Variants in VARS2 observed in about 807,000 individuals in gnomAD.
VARS2 encodes valine--tRNA ligase, mitochondrial.
Under a neutral mutation model 154.1 loss-of-function variants are expected in VARS2, and 105 were observed. That is an observed-to-expected ratio of 0.68 (90% CI 0.58 to 0.80). VARS2 has a LOEUF of 0.80. Ranked by LOEUF, VARS2 falls within the 30% of genes least tolerant of loss-of-function variation. The probability of loss-of-function intolerance (pLI) is 0.00; values close to 1 mark genes in which losing one functional copy is unlikely to be tolerated. For missense variants in VARS2, 1,157 were observed against 1,361.4 expected, an observed-to-expected ratio of 0.85 and a Z score of 2.36; for synonymous variants, 483 against 539.5, an observed-to-expected ratio of 0.90 and a Z score of 1.45.
In VARS2 at chr6:30,915,987, G is replaced by T. The variant is rs1470681240; in HGVS notation, c.513G>T (p.Arg171=). Reference sequence around the variant, plus strand: ...GAGGGCATTTTTGTTGCAGGCACCGGATGCGTGGGGATCAAGTGCTGTGGG... The same window carrying T: ...GAGGGCATTTTTGTTGCAGGCACCGTATGCGTGGGGATCAAGTGCTGTGGG... The part of the protein sequence containing the change: ...AIQDALVRWH[R]MRGDQVLWVP... The change falls in exon 6 of 30, where the codon CGG becomes CGT. Residue 171 remains arginine (R), a synonymous_variant. Transcript: ENST00000676266. The T allele has an allele frequency of 1.9e-6, 3 of 1,614,016 alleles. No individual in the cohort carries two copies. The highest frequency in any genetic ancestry group is 1.1e-5 in the South Asian group (1 of 91,088).
At position 30,916,792 on chromosome 6, in the gene VARS2, A is replaced by G. The variant is rs1794202558; in HGVS notation, c.672-86A>G. ...CATCCTCACTTGATTTTCCTCCAAC[A>G]CCTGGCATTGCTGGGGGCATCGCTG... is the stretch of plus-strand genomic sequence containing the variant. On this transcript the variant is annotated intron_variant, in intron 7 of 29. Transcript: ENST00000676266. This position sits in a 1 kb window ranked among gnomAD's most constrained non-coding sequence, Gnocchi z 4.0. The G allele has an allele frequency of 2.2e-6, 3 of 1,359,978 alleles. No homozygotes were observed. In the Admixed American group the frequency reaches 5.1e-5, roughly 23 times the overall value. The allele number at this position is 1,359,978 out of a possible 1,614,324, so 84.2% of individuals were successfully genotyped here.
At position 30,918,942 on chromosome 6, in the gene VARS2, T is replaced by C. The variant is rs529087730; in HGVS notation, c.1074+27T>C. 38 of 1,593,554 alleles carry C rather than the reference T, an allele frequency of 2.4e-5. No individual in the cohort carries two copies. The Admixed American group carries it at 5.0e-4, about 21-fold the overall frequency. Reference sequence around the variant, plus strand: ...TAATACCCAGTGCGCTCCTGCACTCTGGCCCGCCCCGCCAATGGCCTTCTC... The same window carrying C: ...TAATACCCAGTGCGCTCCTGCACTCCGGCCCGCCCCGCCAATGGCCTTCTC... On this transcript the variant is annotated intron_variant, in intron 11 of 29. Coordinates refer to ENST00000676266, the MANE Select transcript of VARS2 (RefSeq NM_020442.6).
In VARS2 at chr6:30,916,652, T is replaced by C. The variant is rs1794196353; in HGVS notation, c.672-226T>C. ...TGAAGCATCCTTGGATTTCCCACAA[T>C]ATGGCTATCCCTCCTCTCTTCCTAT... On this transcript the variant is annotated intron_variant, in intron 7 of 29. Coordinates refer to ENST00000676266, the MANE Select transcript of VARS2 (RefSeq NM_020442.6). This position sits in a 1 kb window ranked among gnomAD's most constrained non-coding sequence, Gnocchi z 4.0. The C allele has an allele frequency of 1.2e-5, 7 of 583,780 alleles. No homozygotes were observed. The highest frequency in any genetic ancestry group is 2.1e-5 in the Non-Finnish European group (7 of 329,534). 36.2% of individuals were successfully genotyped at this position (583,780 alleles called of 1,614,324 possible). A position where few individuals can be genotyped will look rare whatever the true frequency, so the allele number is the denominator to read the frequency against.
rs1368475917 is a variant in VARS2, at chr6:30,921,516, G to A, written c.1633-73G>A. The A allele has an allele frequency of 3.3e-6, 5 of 1,534,892 alleles. No individual in the cohort carries two copies. The highest frequency in any genetic ancestry group is 4.4e-6 in the Non-Finnish European group (5 of 1,130,640). On this transcript the variant is annotated intron_variant, in intron 17 of 29. Transcript: ENST00000676266. The surrounding 1 kb of genome is among the most constrained non-coding windows in gnomAD (Gnocchi z 4.6). ...GGCCACTCTAAGACCACATGAGGAC[G>A]TGAAAACCAAGTGACATTTACACCT...
chr6:30,915,580 A>G (rs1222213981), intron 4 of VARS2, 125 bp downstream of exon 4: 1 of 1,445,828 alleles, frequency 6.9e-7, no homozygotes, highest in Non-Finnish European at 9.4e-7. Flanking sequence ...GGTGTCTCCA[A>G]AGATTTCTCT....
At position 30,923,366 on chromosome 6, in the gene VARS2, C is replaced by T. The variant is rs1224667076; in HGVS notation, c.2327C>T (p.Ser776Phe). 1 of 1,610,766 alleles carries T rather than the reference C, an allele frequency of 6.2e-7. No homozygotes were observed. Among genetic ancestry groups the T allele is most frequent in the Non-Finnish European group, 8.5e-7 (1 of 1,178,740 alleles). Residue 776 changes from serine to phenylalanine, a missense_variant, in exon 25 of 30, where the codon TCC becomes TTC. By Grantham distance (155) the Ser-to-Phe change is radical. Coordinates refer to ENST00000676266, the MANE Select transcript of VARS2 (RefSeq NM_020442.6). Reference protein sequence around the residue: ...PQPAEELSPSSPMDAWILSRL... With the variant: ...PQPAEELSPSFPMDAWILSRL... ...CTCTGCCTGCAGCTGTCTCCCTCCT[C>T]CCCGATGGATGCCTGGATCCTGAGC... is the stretch of plus-strand genomic sequence containing the variant.
Position 30,921,071 on chromosome 6 carries a change from G to T in VARS2, c.1486G>T (p.Glu496Ter). ...EMGARAAKAV[E>*]SGALELSPSF... ...AAGTCCCCTTTCTCTCCAGGCTGTG[G>T]AGTCGGGGGCCCTGGAGCTCAGTCC... Residue 496 changes from glutamate (E) to a stop codon, truncating the protein, a stop_gained, in exon 16 of 30, where the codon GAG (glutamate) becomes TAG (stop). Coordinates refer to ENST00000676266, the MANE Select transcript of VARS2 (RefSeq NM_020442.6). LOFTEE classifies it high-confidence loss of function. The surrounding 1 kb of genome is among the most constrained non-coding windows in gnomAD (Gnocchi z 4.6). 6.2e-7 allele frequency: 1 copy of T among 1,612,234 alleles called. No homozygotes were observed. Among genetic ancestry groups the T allele is most frequent in the Non-Finnish European group, 8.5e-7 (1 of 1,179,126 alleles).
In VARS2 at chr6:30,916,513, T is replaced by G. The variant is rs995349052; in HGVS notation, c.671+264T>G. 3.0e-6 allele frequency: 1 copy of G among 329,144 alleles called. No individual in the cohort carries two copies. Among genetic ancestry groups the G allele is most frequent in the Non-Finnish European group, 5.3e-6 (1 of 188,080 alleles). The allele number at this position is 329,144 out of a possible 1,614,324, so 20.4% of individuals were successfully genotyped here. A position where few individuals can be genotyped will look rare whatever the true frequency, so the allele number is the denominator to read the frequency against. Reference sequence around the variant, plus strand: ...ATATATATATTTTCTTTCTCTTTACTTACCCCAATTTCTCTTGTCTAAATC... The same window carrying G: ...ATATATATATTTTCTTTCTCTTTACGTACCCCAATTTCTCTTGTCTAAATC... On this transcript the variant is annotated intron_variant, in intron 7 of 29. Coordinates refer to ENST00000676266, the MANE Select transcript of VARS2 (RefSeq NM_020442.6). The surrounding 1 kb of genome is among the most constrained non-coding windows in gnomAD (Gnocchi z 4.0).
Position 30,914,239 on chromosome 6 carries a change from C to T in VARS2, c.-133C>T, listed in dbSNP as rs918067397. ...TGCGCATGCGCCGGCCGGGGCCCCG[C>T]CCCCATGCGCCGCGCGGCTCCAGGG... On this transcript the variant is annotated 5_prime_UTR_variant, in exon 1 of 30. Transcript: ENST00000676266. 7 of 690,378 alleles carry T rather than the reference C, an allele frequency of 1.0e-5. No individual in the cohort carries two copies. The highest frequency in any genetic ancestry group is 1.8e-5 in the African/African-American group (1 of 54,178). 42.8% of individuals were successfully genotyped at this position (690,378 alleles called of 1,614,324 possible).
At chr6:30,923,707 C>G in intron 25 of VARS2, 1 of 681,026 alleles carries the variant, frequency 1.5e-6, no homozygotes, top group South Asian at 2.3e-5. Flanking sequence ...CTGCCTGTCA[C>G]CTGGGGAGAG....
At position 30,920,499 on chromosome 6, in the gene VARS2, G is replaced by A. The variant is rs1212050913; in HGVS notation, c.1397+63G>A. 3 of 1,496,156 alleles carry A rather than the reference G, an allele frequency of 2.0e-6. No homozygotes were observed. The highest frequency in any genetic ancestry group is 2.7e-6 in the Non-Finnish European group (3 of 1,109,278). 92.7% of individuals were successfully genotyped at this position (1,496,156 alleles called of 1,614,324 possible). A position where few individuals can be genotyped will look rare whatever the true frequency, so the allele number is the denominator to read the frequency against. ...AAAAGGGAATGTATGGAGCTTAAGG[G>A]TGACAATAGGATGGGCTCTGCACCC... On this transcript the variant is annotated intron_variant, in intron 14 of 29. Coordinates refer to ENST00000676266, the MANE Select transcript of VARS2 (RefSeq NM_020442.6). This position sits in a 1 kb window ranked among gnomAD's most constrained non-coding sequence, Gnocchi z 4.6.
chr6:30,920,239 C>T lies in VARS2; in HGVS notation c.1293+23C>T, dbSNP rs994388925. On this transcript the variant is annotated intron_variant, in intron 13 of 29. Coordinates refer to ENST00000676266, the MANE Select transcript of VARS2 (RefSeq NM_020442.6). The surrounding 1 kb of genome is among the most constrained non-coding windows in gnomAD (Gnocchi z 4.6). ...CAGGTGGTACCACCCTATGTTACCC[C>T]ATCCTTTGGGGGCTCTCTGTCCCCC... is the stretch of plus-strand genomic sequence containing the variant. The T allele has an allele frequency of 5.8e-6, 9 of 1,562,136 alleles. No homozygotes were observed. Among genetic ancestry groups the T allele is most frequent in the Non-Finnish European group, 7.8e-6 (9 of 1,153,984 alleles).
Position 30,921,500 on chromosome 6 carries a change from A to G in VARS2, c.1633-89A>G. On this transcript the variant is annotated intron_variant, in intron 17 of 29. Transcript: ENST00000676266. The surrounding 1 kb of genome is among the most constrained non-coding windows in gnomAD (Gnocchi z 4.6). ...ACCCCTGGGGGAACCTGGCCACTCT[A>G]AGACCACATGAGGACGTGAAAACCA... The G allele has an allele frequency of 6.7e-7, 1 of 1,501,778 alleles. No individual in the cohort carries two copies. 93.0% of individuals were successfully genotyped at this position (1,501,778 alleles called of 1,614,324 possible). A position where few individuals can be genotyped will look rare whatever the true frequency, so the allele number is the denominator to read the frequency against.
Position 30,919,975 on chromosome 6 carries a change from G to T in VARS2, c.1166-114G>T. ...GGTGGTCTGAGTGGGGAATGGGAGGGAGGCACAGACAGAGAAAGTCGCAGG... is the reference window on the plus strand; with the variant it reads ...GGTGGTCTGAGTGGGGAATGGGAGGTAGGCACAGACAGAGAAAGTCGCAGG... On this transcript the variant is annotated intron_variant, in intron 12 of 29. Transcript: ENST00000676266. This position sits in a 1 kb window ranked among gnomAD's most constrained non-coding sequence, Gnocchi z 4.5. 1 of 1,005,824 alleles carries T rather than the reference G, an allele frequency of 9.9e-7. No homozygotes were observed. The highest frequency in any genetic ancestry group is 1.4e-6 in the Non-Finnish European group (1 of 719,228). 62.3% of individuals were successfully genotyped at this position (1,005,824 alleles called of 1,614,324 possible). A position where few individuals can be genotyped will look rare whatever the true frequency, so the allele number is the denominator to read the frequency against.
Position 30,919,684 on chromosome 6 carries a change from G to C in VARS2, c.1075-74G>C. 8.4e-7 allele frequency: 1 copy of C among 1,186,168 alleles called. No individual in the cohort carries two copies. Among genetic ancestry groups the C allele is most frequent in the Non-Finnish European group, 1.1e-6 (1 of 882,108 alleles). 73.5% of individuals were successfully genotyped at this position (1,186,168 alleles called of 1,614,324 possible). A position where few individuals can be genotyped will look rare whatever the true frequency, so the allele number is the denominator to read the frequency against. The stretch of plus-strand genomic sequence containing the variant: ...CCACTTTCTACCTTCTTATTCCTGG[G>C]GTTCTCACGCCCCAGCCCAGACCCT... On this transcript the variant is annotated intron_variant, in intron 11 of 29. Transcript: ENST00000676266. This position sits in a 1 kb window ranked among gnomAD's most constrained non-coding sequence, Gnocchi z 4.5.
rs766933357 is a variant in VARS2 at position 30,916,145 on chromosome 6, A to T, written c.574-7A>T. Reference sequence around the variant, plus strand: ...ACTCTGTTCATTTGCCCTGAATCCAACTGCAGGCTGTGGTGGAGAAACAAC... The same window carrying T: ...ACTCTGTTCATTTGCCCTGAATCCATCTGCAGGCTGTGGTGGAGAAACAAC... On this transcript the variant is annotated splice_polypyrimidine_tract_variant and splice_region_variant and intron_variant, in intron 6 of 29. Coordinates refer to ENST00000676266, the MANE Select transcript of VARS2 (RefSeq NM_020442.6). The surrounding 1 kb of genome is among the most constrained non-coding windows in gnomAD (Gnocchi z 4.0). 4 of 1,613,718 alleles carry T rather than the reference A, an allele frequency of 2.5e-6. No individual in the cohort carries two copies. The African/African-American group carries it at 5.3e-5, about 22-fold the overall frequency.
intron 20 of VARS2, 64 bp downstream of exon 20, chr6:30,922,305 C>T (rs1020940617): frequency 1.5e-5 from 24 of 1,596,722 alleles, no homozygotes; most frequent in Non-Finnish European, 2.0e-5. Flanking sequence ...CTTGTCCTCC[C>T]TTCTAACCCC....
Position 30,923,411 on chromosome 6 carries a change from A to G in VARS2, c.2372A>G (p.Gln791Arg). 1.9e-6 allele frequency: 3 copies of G among 1,612,342 alleles called. No homozygotes were observed. Among genetic ancestry groups the G allele is most frequent in the Middle Eastern group, 1.6e-4 (1 of 6,062 alleles). Residue 791 changes from glutamine to arginine, a missense_variant, in exon 25 of 30, where the codon CAG becomes CGG. Transcript: ENST00000676266. ...WILSRLALAA[Q>R]ECERGFLTRE... Reference sequence around the variant, plus strand: ...CTGAGCCGCCTTGCCCTGGCTGCCCAGGAGTGTGAGCGGGGCTTCCTCACC... The same window carrying G: ...CTGAGCCGCCTTGCCCTGGCTGCCCGGGAGTGTGAGCGGGGCTTCCTCACC...
At position 30,916,996 on chromosome 6, in the gene VARS2, G is replaced by T; in HGVS notation, c.753+37G>T. 6.2e-7 allele frequency: 1 copy of T among 1,613,620 alleles called. No homozygotes were observed. Among genetic ancestry groups the T allele is most frequent in the African/African-American group, 1.3e-5 (1 of 75,022 alleles). ...GTGCCTTGGTCCCTGTGAGTGATGG[G>T]CGATGTTTAGGGATCTGTGTGGGGC... On this transcript the variant is annotated intron_variant, in intron 8 of 29. Coordinates refer to ENST00000676266, the MANE Select transcript of VARS2 (RefSeq NM_020442.6). The surrounding 1 kb of genome is among the most constrained non-coding windows in gnomAD (Gnocchi z 4.0).
Sources: allele counts gnomAD v4.1 joint callset, GRCh38; gene constraint gnomAD v4.1.1; non-coding constraint Gnocchi (gnomAD v3.1); transcripts MANE v1.5; gene names NCBI Gene and HGNC (gene_info 2026-07-23, HGNC 2026-07-21).